Variants in CYRIB observed in about 807,000 individuals in gnomAD.
CYRIB encodes CYFIP related Rac1 interactor B, also known as CYFIP-related Rac1 interactor B.
A neutral mutation model predicts 44.2 loss-of-function variants in CYRIB; 8 were observed. That is an observed-to-expected ratio of 0.18 (90% CI 0.11 to 0.33). The LOEUF is 0.33. Ranked by LOEUF, CYRIB falls within the 10% of genes least tolerant of loss-of-function variation. The pLI is 1.00. For missense variants in CYRIB, 185 were observed against 382.8 expected (o/e 0.48, Z 4.31); for synonymous variants, 131 against 127.2 (o/e 1.03, Z -0.20).
intron 1 of CYRIB, among the ~76,000 whole-genome samples, chr8:129,997,919 G>A (rs181661901): frequency 2.6e-5 from 4 of 151,886 alleles, no homozygotes; most frequent in East Asian, 3.9e-4. Context: ...TCAAGAGATC[G>A]AGACCATCCT....
At chr8:129,915,145 T>A (rs2080062663) in intron 1 of CYRIB, among the ~76,000 whole-genome samples, 1 of 152,216 alleles carries the variant, frequency 6.6e-6, no homozygotes, top group Non-Finnish European at 1.5e-5. Context: ...TACGTATTCA[T>A]CCAAGAAAAA....
intron 2 of CYRIB, among the ~76,000 whole-genome samples, chr8:129,892,097 C>T (rs568916942): frequency 3.3e-5 from 5 of 152,190 alleles, no homozygotes; most frequent in Admixed American, 2.0e-4. Flanking sequence ...ACCACCAATG[C>T]AAATTACTGT....
At chr8:129,942,746 C>G (rs2093808638), upstream of CYRIB, among the ~76,000 whole-genome samples, 1 of 152,224 alleles carries the variant, frequency 6.6e-6, no homozygotes, top group Non-Finnish European at 1.5e-5. Flanking sequence ...GTGCCAGGCA[C>G]TGTACTAAGC....
At chr8:129,858,224 G>C (rs145918360) in intron 5 of CYRIB, among the ~76,000 whole-genome samples, 1 of 152,234 alleles carries the variant, frequency 6.6e-6, no homozygotes, top group Non-Finnish European at 1.5e-5. Flanking sequence ...GAGAGAAAGA[G>C]AGGACAAAGA....
At position 129,994,611 on chromosome 8, in the gene CYRIB, G is replaced by A. The variant is rs116946662; in HGVS notation, c.-296+21759C>T. ...GTGCAGAGAGACACCCAAGCTCCCCGTTTCACCATGTCACCAAGGCCCACA... is the reference window on the plus strand; with the variant it reads ...GTGCAGAGAGACACCCAAGCTCCCCATTTCACCATGTCACCAAGGCCCACA... On this transcript the variant is annotated intron_variant, in intron 1 of 14. Transcript: ENST00000401979. Among the ~76,000 whole-genome samples, 25 of 152,274 alleles carry A rather than the reference G, an allele frequency of 1.6e-4. 1 individual carries two copies. Among genetic ancestry groups the A allele is most frequent in the Admixed American group, 1.3e-4 (2 of 15,296 alleles).
intron 1 of CYRIB, among the ~76,000 whole-genome samples, chr8:129,931,197 CACTA>C (rs1333812500): frequency 6.6e-6 from 1 of 151,802 alleles, no homozygotes; most frequent in African/African-American, 2.4e-5. Flanking sequence ...ACATTCCCTT[CACTA>C]ACTATGCTAG....
At chr8:129,976,303 C>G (rs1244837657) in intron 1 of CYRIB, among the ~76,000 whole-genome samples, 1 of 152,014 alleles carries the variant, frequency 6.6e-6, no homozygotes, top group Non-Finnish European at 1.5e-5. Context: ...AAAACTTTCC[C>G]CCAGTACAGT....
intron 1 of CYRIB, among the ~76,000 whole-genome samples, chr8:129,925,231 C>G (rs1351391415): frequency 1.3e-5 from 2 of 152,036 alleles, no homozygotes; most frequent in African/African-American, 4.8e-5. Flanking sequence ...AACCCCGCCT[C>G]TACTAAAAAT....
At chr8:129,983,522 AG>A (rs1216736790) in intron 1 of CYRIB, among the ~76,000 whole-genome samples, 1 of 152,216 alleles carries the variant, frequency 6.6e-6, no homozygotes, top group Non-Finnish European at 1.5e-5. Context: ...AACAAAAAAA[AG>A]TTTTTAAATA....
rs1171288097 is a variant in CYRIB, at chr8:129,910,477, C to CTT, written c.-49-7129_-49-7128dup. The stretch of plus-strand genomic sequence containing the variant: ...CCTTGACAAGTGGTGCCTTCTTTCA[C>CTT]TTTTTTTTTTTTTTTTTTTTTTTTT... On this transcript the variant is annotated intron_variant, in intron 1 of 11. Coordinates refer to ENST00000519824, the Ensembl canonical transcript of CYRIB. Among the ~76,000 whole-genome samples, 755 of 110,626 alleles carry CTT rather than the reference C, an allele frequency of 6.8e-3. 19 individuals are homozygous for CTT. Among genetic ancestry groups the CTT allele is most frequent in the African/African-American group, 0.024 (698 of 29,432 alleles). 72.6% of individuals were successfully genotyped at this position (110,626 alleles called of 152,430 possible). A position where few individuals can be genotyped will look rare whatever the true frequency, so the allele number is the denominator to read the frequency against.
At chr8:129,937,682 C>T (rs1321019098) in intron 1 of CYRIB, among the ~76,000 whole-genome samples, 3 of 152,184 alleles carry the variant, frequency 2.0e-5, no homozygotes, top group Admixed American at 2.0e-4. Context: ...TTACTAACCA[C>T]GCCTCCCTCT....
intron 1 of CYRIB, among the ~76,000 whole-genome samples, chr8:129,978,669 T>G (rs1456461487): frequency 1.3e-5 from 2 of 152,212 alleles, no homozygotes; most frequent in Non-Finnish European, 2.9e-5. Context: ...TTATTATTAT[T>G]ATTTCCCAAG....
chr8:129,979,633 C>T (rs890157005), intron 1 of CYRIB, among the ~76,000 whole-genome samples: 3 of 151,908 alleles, frequency 2.0e-5, no homozygotes, highest in African/African-American at 7.3e-5. Context: ...TATCATTTCC[C>T]AGCTGGCCAT....
At chr8:129,919,397 G>A (rs1444266089) in intron 1 of CYRIB, among the ~76,000 whole-genome samples, 1 of 152,156 alleles carries the variant, frequency 6.6e-6, no homozygotes, top group Non-Finnish European at 1.5e-5. Context: ...CAATAGGCCA[G>A]ACATTCTATG....
intron 2 of CYRIB, among the ~76,000 whole-genome samples, chr8:129,884,619 CT>C (rs2062032930): frequency 1.3e-5 from 2 of 152,212 alleles, no homozygotes; most frequent in South Asian, 4.1e-4. Context: ...ACCCAAAACA[CT>C]ATTGATATAT....
rs574964524 is a variant in CYRIB, at chr8:129,883,764, T to TA, written c.-10-4294_-10-4293insT. Among the ~76,000 whole-genome samples the TA allele has an allele frequency of 3.0e-3, 455 of 152,330 alleles. 1 individual carries two copies. The highest frequency in any genetic ancestry group is 5.0e-3 in the Non-Finnish European group (342 of 68,032). On this transcript the variant is annotated intron_variant, in intron 2 of 11. Coordinates refer to ENST00000519824, the Ensembl canonical transcript of CYRIB. Reference sequence around the variant, plus strand: ...AAACTTTGTGACTTCAGTCAAGTGTTTTTTAACTTCTCCATTCCTCAGTTT... The same window carrying TA: ...AAACTTTGTGACTTCAGTCAAGTGTTATTTTAACTTCTCCATTCCTCAGTTT...
At chr8:129,841,109 C>G (rs936386695) in exon 12 of CYRIB, 1 of 152,118 alleles carries the variant, frequency 6.6e-6, no homozygotes, top group Admixed American at 6.5e-5. Context: ...TGGGAAGTCC[C>G]TCTTATAATC....
intron 1 of CYRIB, among the ~76,000 whole-genome samples, chr8:129,924,301 G>GT (rs2085987625): frequency 1.0e-5 from 1 of 95,918 alleles, no homozygotes; most frequent in East Asian, 3.6e-4. Context: ...CGGGGGGGGG[G>GT]GGGGTGGCGG....
chr8:129,877,634 G>A (rs1328724176), intron 3 of CYRIB, among the ~76,000 whole-genome samples: 3 of 122,256 alleles, frequency 2.5e-5, no homozygotes, highest in African/African-American at 9.8e-5. Context: ...GGGTGACAGG[G>A]TAAGACCTCA....
Sources: allele counts gnomAD v4.1 joint callset (sites outside exome capture counted in the v4.1 genomes callset), GRCh38; gene constraint gnomAD v4.1.1; transcripts MANE v1.5; gene names NCBI Gene and HGNC (gene_info 2026-07-23, HGNC 2026-07-21).